The following PRKD1 variants were observed in gnomAD, a reference collection of about 807,000 sequenced individuals.
PRKD1 encodes protein kinase D1.
PRKD1 carries 63 observed loss-of-function variants against 95.9 expected under a neutral mutation model. The observed-to-expected ratio is 0.66, with a 90% CI of 0.54 to 0.81. The LOEUF is 0.81. Ranked by LOEUF, PRKD1 falls within the 30% of genes least tolerant of loss-of-function variation. The probability of loss-of-function intolerance (pLI) is 0.00; values close to 1 mark genes in which losing one functional copy is unlikely to be tolerated. For missense variants in PRKD1, 1,048 were observed against 1,165.3 expected (o/e 0.90, Z 1.47); for synonymous variants, 425 against 423.1 (o/e 1.00, Z -0.05).
At chr14:29,869,036 C>T (rs901133333) in intron 1 of PRKD1, among the ~76,000 whole-genome samples, 1 of 152,138 alleles carries the variant, frequency 6.6e-6, no homozygotes, top group South Asian at 2.1e-4. Context: ...AAAATCAAAG[C>T]AAAACATAAT....
At chr14:29,632,728 A>C in intron 9 of PRKD1, 141 bp downstream of exon 9, 1 of 701,716 alleles carries the variant, frequency 1.4e-6, no homozygotes. Context: ...TGTAGACTAT[A>C]GAGAAGAAAA....
At chr14:29,614,250 G>C (rs1878692620) in intron 13 of PRKD1, among the ~76,000 whole-genome samples, 1 of 152,150 alleles carries the variant, frequency 6.6e-6, no homozygotes, top group Non-Finnish European at 1.5e-5. Flanking sequence ...CATTGAATTG[G>C]AAATCAATTC....
intron 4 of PRKD1, among the ~76,000 whole-genome samples, chr14:29,659,076 G>A (rs1882050739): frequency 2.0e-5 from 3 of 152,110 alleles, no homozygotes. Flanking sequence ...ATGAAGTTTT[G>A]CATGTGCATA....
intron 1 of PRKD1, among the ~76,000 whole-genome samples, chr14:29,863,168 G>C (rs1284774778): frequency 6.6e-6 from 1 of 152,188 alleles, no homozygotes; most frequent in Non-Finnish European, 1.5e-5. Flanking sequence ...AAAAGAGTCA[G>C]TTTAGGAGTC....
At chr14:29,643,913 TTGGGGAGACAAAC>T (rs1199330258) in intron 4 of PRKD1, among the ~76,000 whole-genome samples, 32 of 152,218 alleles carry the variant, frequency 2.1e-4, no homozygotes, top group Non-Finnish European at 4.3e-4. Flanking sequence ...GTGTCTGGAT[TTGGGGAGACAAAC>T]TCCCTTTGAG....
chr14:29,642,718 C>T (rs904665385), intron 4 of PRKD1, among the ~76,000 whole-genome samples: 18 of 152,064 alleles, frequency 1.2e-4, no homozygotes, highest in Non-Finnish European at 2.6e-4. Flanking sequence ...GTGCACAGTA[C>T]TTTAGAGTTT....
chr14:29,903,011 C>T (rs924320405), intron 1 of PRKD1, among the ~76,000 whole-genome samples: 2 of 152,132 alleles, frequency 1.3e-5, no homozygotes, highest in South Asian at 4.1e-4. Flanking sequence ...ATATTCCTGC[C>T]CTTTGGGCCC....
chr14:29,914,669 GTTAC>G (rs1180309273), intron 1 of PRKD1, among the ~76,000 whole-genome samples: 6 of 152,140 alleles, frequency 3.9e-5, no homozygotes, highest in Non-Finnish European at 8.8e-5. Flanking sequence ...GCAGGTGGAG[GTTAC>G]AGTGAGCTGA....
At chr14:29,728,476 C>T (rs1886275215) in intron 1 of PRKD1, among the ~76,000 whole-genome samples, 1 of 152,126 alleles carries the variant, frequency 6.6e-6, no homozygotes, top group Admixed American at 6.5e-5. Context: ...TTCTGTCACC[C>T]TAGTTTACCT....
At chr14:29,832,798 A>C (rs2139298304) in intron 1 of PRKD1, among the ~76,000 whole-genome samples, 1 of 152,270 alleles carries the variant, frequency 6.6e-6, no homozygotes, top group South Asian at 2.1e-4. Context: ...TGAAATATTT[A>C]CAATTTTTAT....
chr14:29,857,379 GT>G (rs1451529119), intron 1 of PRKD1, among the ~76,000 whole-genome samples: 1 of 152,060 alleles, frequency 6.6e-6, no homozygotes, highest in Non-Finnish European at 1.5e-5. Flanking sequence ...AGAAACACCA[GT>G]TTTTTCATGG....
At chr14:29,719,887 C>A (rs777422155) in intron 2 of PRKD1, among the ~76,000 whole-genome samples, 31 of 149,688 alleles carry the variant, frequency 2.1e-4, no homozygotes, top group Non-Finnish European at 3.5e-4. Flanking sequence ...CAGGACTCAC[C>A]AGATGCTCAG....
At chr14:29,775,931 C>T (rs1169860900) in intron 1 of PRKD1, among the ~76,000 whole-genome samples, 1 of 152,130 alleles carries the variant, frequency 6.6e-6, no homozygotes, top group Non-Finnish European at 1.5e-5. Flanking sequence ...TGGCCAGGTG[C>T]CCCTCTGAGA....
At chr14:29,833,798 C>T (rs937666510) in intron 1 of PRKD1, among the ~76,000 whole-genome samples, 4 of 151,736 alleles carry the variant, frequency 2.6e-5, no homozygotes, top group African/African-American at 9.7e-5. Context: ...TGAATTCAAC[C>T]AATTTCAATT....
intron 1 of PRKD1, among the ~76,000 whole-genome samples, chr14:29,729,021 G>A (rs1046853629): frequency 2.6e-5 from 4 of 152,016 alleles, no homozygotes; most frequent in African/African-American, 9.7e-5. Context: ...ACAAAAAGTT[G>A]TGAATTTATA....
intron 2 of PRKD1, among the ~76,000 whole-genome samples, chr14:29,676,874 T>C (rs926972731): frequency 2.0e-5 from 3 of 152,332 alleles, no homozygotes; most frequent in South Asian, 2.1e-4. Flanking sequence ...TCATTTCCAA[T>C]ATGGTAGCCA....
At chr14:29,762,047 T>C (rs1407334609) in intron 1 of PRKD1, among the ~76,000 whole-genome samples, 1 of 152,068 alleles carries the variant, frequency 6.6e-6, no homozygotes, top group Non-Finnish European at 1.5e-5. Context: ...ACAAGGATTA[T>C]AGGTGTGAGC....
At chr14:29,685,793 A>G (rs1426826337) in intron 2 of PRKD1, among the ~76,000 whole-genome samples, 3 of 152,048 alleles carry the variant, frequency 2.0e-5, no homozygotes, top group Non-Finnish European at 4.4e-5. Flanking sequence ...CCAGCTAACT[A>G]TAACTCAAGT....
intron 1 of PRKD1, among the ~76,000 whole-genome samples, chr14:29,789,134 C>A (rs532702679): frequency 6.6e-6 from 1 of 152,162 alleles, no homozygotes; most frequent in African/African-American, 2.4e-5. Flanking sequence ...GATGTTCCTG[C>A]CTCAGTATCC....
Sources: allele counts gnomAD v4.1 joint callset (sites outside exome capture counted in the v4.1 genomes callset), GRCh38; gene constraint gnomAD v4.1.1; transcripts MANE v1.5; gene names NCBI Gene and HGNC (gene_info 2026-07-23, HGNC 2026-07-21).